Variants in BRWD3 observed in about 807,000 individuals in gnomAD.
BRWD3 encodes bromodomain and WD repeat domain containing 3, also known as bromodomain and WD repeat-containing protein 3.
In BRWD3, 10 loss-of-function variants were observed where a neutral mutation model predicts 149.7. The ratio of observed to expected loss-of-function variants is 0.07; its 90% confidence interval spans 0.04 to 0.11. The LOEUF is 0.11. Among genes scored for constraint, BRWD3 ranks in the 10% least tolerant of loss-of-function variants. The pLI, the probability that BRWD3 is intolerant of heterozygous loss-of-function variation, is 1.00. For missense variants in BRWD3, 940 were observed against 1,373.2 expected, an observed-to-expected ratio of 0.68 and a Z score of 4.99; for synonymous variants, 504 against 456.7, an observed-to-expected ratio of 1.10 and a Z score of -1.32.
chrX:80,686,840 T>G (rs1281185391), intron 35 of BRWD3, 23 bp downstream of exon 35: 1 of 1,205,603 alleles, frequency 8.3e-7, no homozygotes, highest in Non-Finnish European at 1.1e-6. Flanking sequence ...TACTGACAAT[T>G]ATTTAAACAA....
chrX:80,735,892 T>C, intron 9 of BRWD3, 96 bp downstream of exon 9: 1 of 537,622 alleles, frequency 1.9e-6, no homozygotes, highest in Non-Finnish European at 3.1e-6. Context: ...CATACACATA[T>C]GTAAATATAT....
chrX:80,725,203 T>A, intron 14 of BRWD3, 136 bp from the exon 15 acceptor site: 1 of 655,573 alleles, frequency 1.5e-6, no homozygotes. Flanking sequence ...ATGACATGGA[T>A]ACTACATGAA....
chrX:80,724,026 A>G, intron 15 of BRWD3, 150 bp from the exon 16 acceptor site: 1 of 644,051 alleles, frequency 1.6e-6, no homozygotes, highest in Non-Finnish European at 2.4e-6. Flanking sequence ...CCCTACTGAT[A>G]CAGTAAATCC....
intron 6 of BRWD3, among the ~76,000 whole-genome samples, chrX:80,779,311 G>A (rs954997097): frequency 9.1e-6 from 1 of 110,303 alleles, no homozygotes; most frequent in Non-Finnish European, 1.9e-5. Context: ...GAGAAATTCT[G>A]TCTCAAAAAA....
At chrX:80,725,526 C>T (rs1020868945) in intron 14 of BRWD3, among the ~76,000 whole-genome samples, 1 of 112,399 alleles carries the variant, frequency 8.9e-6, no homozygotes, top group Non-Finnish European at 1.9e-5. Context: ...TGGCTCTGCT[C>T]TATATCTACT....
chrX:80,737,475 T>C (rs1052065666), intron 8 of BRWD3, among the ~76,000 whole-genome samples: 1 of 111,925 alleles, frequency 8.9e-6, no homozygotes, highest in Non-Finnish European at 1.9e-5. Context: ...AAGCCACAGA[T>C]GCAGAATCTA....
chrX:80,669,954 T>C lies in BRWD3; in HGVS notation c.*6655A>G, dbSNP rs2034123288. Among the ~76,000 whole-genome samples, 1 of 111,108 alleles carries C rather than the reference T, an allele frequency of 9.0e-6. No homozygotes were observed. The highest frequency in any genetic ancestry group is 1.9e-5 in the Non-Finnish European group (1 of 52,962). ...CAGAAAGACTTTTAGGTCTCCAACA[T>C]CAAATTAAATATCAATTTGTTAATT... is the stretch of plus-strand genomic sequence containing the variant. On this transcript the variant is annotated 3_prime_UTR_variant, in exon 41 of 41. Coordinates refer to ENST00000373275, the MANE Select transcript of BRWD3 (RefSeq NM_153252.5).
intron 8 of BRWD3, chrX:80,743,821 T>A (rs189356291): frequency 2.6e-6 from 1 of 387,965 alleles, no homozygotes; most frequent in Admixed American, 4.8e-5. Flanking sequence ...ATAGAACTTT[T>A]TAAATCATCT....
Position 80,809,549 on chromosome X carries a change from T to C in BRWD3, c.-78A>G. 1.6e-6 allele frequency: 1 copy of C among 624,532 alleles called. No homozygotes were observed. Among genetic ancestry groups the C allele is most frequent in the Non-Finnish European group, 2.5e-6 (1 of 404,711 alleles). 51.5% of individuals were successfully genotyped at this position (624,532 alleles called of 1,213,427 possible). On this transcript the variant is annotated 5_prime_UTR_variant, in exon 1 of 41. Coordinates refer to ENST00000373275, the MANE Select transcript of BRWD3 (RefSeq NM_153252.5). ...GGTGGGGGCGCTGCCTCTATTGTGGTGAAGCCCCCATGCCCGGGAGTCCCG... is the reference window on the plus strand; with the variant it reads ...GGTGGGGGCGCTGCCTCTATTGTGGCGAAGCCCCCATGCCCGGGAGTCCCG...
At chrX:80,683,942 C>G in intron 37 of BRWD3, 68 bp downstream of exon 37, 1 of 1,077,948 alleles carries the variant, frequency 9.3e-7, no homozygotes, top group Non-Finnish European at 1.3e-6. Context: ...AAAAAAGATA[C>G]TGAGGACCAA....
chrX:80,796,689 G>A (rs776470756), intron 4 of BRWD3, among the ~76,000 whole-genome samples: 2 of 111,805 alleles, frequency 1.8e-5, no homozygotes, highest in African/African-American at 3.2e-5. Context: ...ATGATGCTCC[G>A]GAAGAATGGT....
In BRWD3 at chrX:80,693,058, T is replaced by C. The variant is rs1262427445; in HGVS notation, c.3152-7A>G. 2 of 1,164,990 alleles carry C rather than the reference T, an allele frequency of 1.7e-6. No individual in the cohort carries two copies. Among genetic ancestry groups the C allele is most frequent in the Middle Eastern group, 2.3e-4 (1 of 4,262 alleles). On this transcript the variant is annotated splice_region_variant and splice_polypyrimidine_tract_variant and intron_variant, in intron 27 of 40. Transcript: ENST00000373275. ...ATACTGCGGAATCTATCACCTATAA[T>C]GTTTTAAAATTCTTAAAAGGATGCT...
intron 6 of BRWD3, among the ~76,000 whole-genome samples, chrX:80,765,620 G>A (rs1422277944): frequency 1.8e-5 from 2 of 111,877 alleles, no homozygotes; most frequent in Non-Finnish European, 3.8e-5. Flanking sequence ...GTAATGAGGT[G>A]TCTGTGTGTG....
rs1187741808 is a variant in BRWD3 at position 80,809,810 on chromosome X, G to C, written c.-339C>G. ...GAGAGAGAGAGAGAGAGAGACGCGG[G>C]GGGTGGGGGGGCGGAGAGAGAGAGA... On this transcript the variant is annotated 5_prime_UTR_variant, in exon 1 of 41. Coordinates refer to ENST00000373275, the MANE Select transcript of BRWD3 (RefSeq NM_153252.5). The C allele has an allele frequency of 3.0e-5, 3 of 98,960 alleles. No homozygotes were observed. Among genetic ancestry groups the C allele is most frequent in the African/African-American group, 1.4e-4 (3 of 20,787 alleles). The allele number at this position is 98,960 out of a possible 1,213,427, so 8.2% of individuals were successfully genotyped here.
rs1032147247 is a variant in BRWD3 at position 80,784,762 on chromosome X, A to C, written c.430+7092T>G. 1.1e-4 allele frequency among the ~76,000 whole-genome samples: 12 copies of C among 111,657 alleles called. No individual in the cohort carries two copies. In the South Asian group the frequency reaches 4.5e-3, roughly 42 times the overall value. On this transcript the variant is annotated intron_variant, in intron 6 of 40. Coordinates refer to ENST00000373275, the MANE Select transcript of BRWD3 (RefSeq NM_153252.5). The stretch of plus-strand genomic sequence containing the variant: ...GCATAGTATTCCATGGTGTATATGT[A>C]CCTTTTCTTTATCCTGCCTATCATT...
intron 4 of BRWD3, among the ~76,000 whole-genome samples, chrX:80,805,633 A>G (rs1215199678): frequency 8.9e-6 from 1 of 111,980 alleles, no homozygotes; most frequent in Non-Finnish European, 1.9e-5. Flanking sequence ...TCCAATAACA[A>G]TTTAAAAAAT....
intron 5 of BRWD3, among the ~76,000 whole-genome samples, chrX:80,792,533 A>G (rs2074192321): frequency 8.9e-6 from 1 of 112,164 alleles, no homozygotes; most frequent in Non-Finnish European, 1.9e-5. Flanking sequence ...TGGCTTTAAA[A>G]CAAAAACCCA....
intron 6 of BRWD3, among the ~76,000 whole-genome samples, chrX:80,752,219 G>T (rs1180718077): frequency 9.2e-6 from 1 of 109,178 alleles, no homozygotes; most frequent in East Asian, 2.9e-4. Flanking sequence ...TCTCTATGTT[G>T]CCCAGGCTGG....
At position 80,691,943 on chromosome X, in the gene BRWD3, C is replaced by A; in HGVS notation, c.3361G>T (p.Val1121Phe). Residue 1121 changes from valine (V) to phenylalanine (F), a missense_variant, in exon 30 of 41, where the codon GTC (valine) becomes TTC (phenylalanine). This residue lies in a region of BRWD3 where 158 missense variants were observed against 284.0 expected (regional missense o/e 0.56). Transcript: ENST00000373275. ...FPDEVGAGVP[V>F]SQEELTALLY... ...AAAGCAGTCAATTCTTCCTGGGAGA[C>A]AGGAACACCAGCACCAACTTCATCT... 3 of 1,207,058 alleles carry A rather than the reference C, an allele frequency of 2.5e-6. No homozygotes were observed. Among genetic ancestry groups the A allele is most frequent in the Non-Finnish European group, 3.4e-6 (3 of 893,888 alleles).
Sources: allele counts gnomAD v4.1 joint callset (sites outside exome capture counted in the v4.1 genomes callset), GRCh38; gene constraint gnomAD v4.1.1; regional missense constraint gnomAD v4.1.1; transcripts MANE v1.5; gene names NCBI Gene and HGNC (gene_info 2026-07-23, HGNC 2026-07-21).